Variants in SLC35F1 observed in about 807,000 individuals in gnomAD.
SLC35F1 encodes the protein chromosome 6 open reading frame 169.
Under a neutral mutation model 48.7 loss-of-function variants are expected in SLC35F1, and 14 were observed. The ratio of observed to expected loss-of-function variants is 0.29; its 90% CI spans 0.19 to 0.45. The LOEUF is 0.45. Among genes scored for constraint, SLC35F1 ranks in the 20% least tolerant of loss-of-function variants. The pLI is 1.00. For synonymous variants in SLC35F1, 190 were observed against 202.2 expected (o/e 0.94, Z 0.51); for missense variants, 404 against 500.0 (o/e 0.81, Z 1.83).
chr6:118,082,075 T>C (rs1772918305), intron 1 of SLC35F1, among the ~76,000 whole-genome samples: 1 of 152,222 alleles, frequency 6.6e-6, no homozygotes, highest in Non-Finnish European at 1.5e-5. Context: ...ACAGATAATT[T>C]CTAAACCACA....
At chr6:118,060,595 AT>A (rs1772523640) in intron 1 of SLC35F1, among the ~76,000 whole-genome samples, 1 of 152,302 alleles carries the variant, frequency 6.6e-6, no homozygotes, top group South Asian at 2.1e-4. Context: ...GGTTCACTTG[AT>A]GAGATGTGGT....
chr6:118,053,003 T>C (rs111712137), intron 1 of SLC35F1, among the ~76,000 whole-genome samples: 2,205 of 152,166 alleles, frequency 0.014, 62 homozygotes, highest in African/African-American at 0.05. Context: ...GTGATTATCA[T>C]TAACTTTGAT....
rs1775698388 is a variant in SLC35F1 at position 117,907,345 on chromosome 6, C to T, written c.-382C>T. Among the ~76,000 whole-genome samples, 1 of 151,122 alleles carries T rather than the reference C, an allele frequency of 6.6e-6. No individual in the cohort carries two copies. Among genetic ancestry groups the T allele is most frequent in the East Asian group, 1.9e-4 (1 of 5,138 alleles). ...TGCCGCCGCGCGCCCCGAGGAGACC[C>T]GGGCACGAGGAAACAAGGAGAAATC... On this transcript the variant is annotated 5_prime_UTR_variant, in exon 1 of 8. Transcript: ENST00000360388.
At chr6:117,923,686 C>CATATGTATATATATAT (rs372593345) in intron 1 of SLC35F1, among the ~76,000 whole-genome samples, 1 of 65,302 alleles carries the variant, frequency 1.5e-5, no homozygotes. Context: ...TACATATATA[C>CATATGTATATATATAT]ATATGTACAT....
chr6:118,262,393 G>A (rs1775724028), intron 3 of SLC35F1, among the ~76,000 whole-genome samples: 1 of 151,814 alleles, frequency 6.6e-6, no homozygotes, highest in South Asian at 2.1e-4. Context: ...CAGCTGGAGT[G>A]GAAAAGAAAA....
intron 4 of SLC35F1, among the ~76,000 whole-genome samples, chr6:118,268,470 GC>G (rs2114622223): frequency 6.6e-6 from 1 of 151,548 alleles, no homozygotes; most frequent in African/African-American, 2.4e-5. Context: ...ATATGAAAAG[GC>G]CAATATTATG....
chr6:117,998,989 G>A lies in SLC35F1; in HGVS notation c.173+91090G>A, dbSNP rs532204647. ...ATGGTGCAGACATGGCCAAGTCCAAGAACCACACCACACACAACCAGTCCC... is the reference window on the plus strand; with the variant it reads ...ATGGTGCAGACATGGCCAAGTCCAAAAACCACACCACACACAACCAGTCCC... On this transcript the variant is annotated intron_variant, in intron 1 of 7. Coordinates refer to ENST00000360388, the MANE Select transcript of SLC35F1 (RefSeq NM_001029858.4). 30 of 1,214,600 alleles carry A rather than the reference G, an allele frequency of 2.5e-5. 1 individual carries two copies. The South Asian group carries it at 3.4e-4, about 14-fold the overall frequency. The allele number at this position is 1,214,600 out of a possible 1,614,324, so 75.2% of individuals were successfully genotyped here. A position where few individuals can be genotyped will look rare whatever the true frequency, so the allele number is the denominator to read the frequency against.
rs560578423 is a variant in SLC35F1, at chr6:118,279,316, AG to A, written c.847+1774del. On this transcript the variant is annotated intron_variant, in intron 6 of 7. Coordinates refer to ENST00000360388, the MANE Select transcript of SLC35F1 (RefSeq NM_001029858.4). ...ATGTATCAATAAAAAATGGCCTCAAAGGGGAATCAAATACTCATCTTCCTCT... is the reference window on the plus strand; with the variant it reads ...ATGTATCAATAAAAAATGGCCTCAAAGGGAATCAAATACTCATCTTCCTCT... Among the ~76,000 whole-genome samples, 56 of 152,168 alleles carry A rather than the reference AG, an allele frequency of 3.7e-4. 1 individual carries two copies.
intron 1 of SLC35F1, among the ~76,000 whole-genome samples, chr6:118,136,336 A>C (rs940413733): frequency 6.6e-6 from 1 of 152,218 alleles, no homozygotes; most frequent in Non-Finnish European, 1.5e-5. Flanking sequence ...ATAGAGACAT[A>C]AAGTTGTCCC....
chr6:118,053,685 T>C (rs1772422992), intron 1 of SLC35F1, among the ~76,000 whole-genome samples: 1 of 152,198 alleles, frequency 6.6e-6, no homozygotes, highest in Non-Finnish European at 1.5e-5. Context: ...TTTAAATGGC[T>C]GCATTATATC....
At chr6:118,258,976 G>C (rs1024680164) in intron 3 of SLC35F1, among the ~76,000 whole-genome samples, 2 of 151,732 alleles carry the variant, frequency 1.3e-5, no homozygotes, top group Non-Finnish European at 2.9e-5. Flanking sequence ...TTTGGGGAGA[G>C]AGAAGAAGTT....
chr6:117,914,335 T>TA (rs1457126096), intron 1 of SLC35F1, among the ~76,000 whole-genome samples: 9 of 151,864 alleles, frequency 5.9e-5, no homozygotes, highest in Middle Eastern at 3.4e-3. Context: ...AAATTCCATT[T>TA]AAAAAAATAG....
intron 2 of SLC35F1, among the ~76,000 whole-genome samples, chr6:118,230,122 A>G (rs1775268609): frequency 6.6e-6 from 1 of 152,118 alleles, no homozygotes. Context: ...TGGGCCGATC[A>G]CAAGGTCAGG....
chr6:118,208,261 T>C (rs905249966), intron 2 of SLC35F1, among the ~76,000 whole-genome samples: 3 of 152,146 alleles, frequency 2.0e-5, no homozygotes, highest in African/African-American at 7.2e-5. Context: ...GTGGGTACCC[T>C]CCACTTAGCC....
chr6:117,998,889 T>C, intron 1 of SLC35F1: 1 of 684,288 alleles, frequency 1.5e-6, no homozygotes, highest in Admixed American at 2.2e-5. Flanking sequence ...AGCAAACACA[T>C]TCAAAAGCTA....
intron 2 of SLC35F1, among the ~76,000 whole-genome samples, chr6:118,161,278 CT>C (rs1479437709): frequency 1.3e-5 from 2 of 150,902 alleles, no homozygotes; most frequent in African/African-American, 4.9e-5. Flanking sequence ...TTGCAGTTTT[CT>C]TTAATGCTTC....
chr6:118,113,443 T>C (rs1773436770), intron 1 of SLC35F1, among the ~76,000 whole-genome samples: 1 of 152,082 alleles, frequency 6.6e-6, no homozygotes, highest in Admixed American at 6.6e-5. Context: ...AATGTACCAC[T>C]CTGGTGGTGG....
At chr6:118,096,801 TCTA>T (rs1212358786) in intron 1 of SLC35F1, among the ~76,000 whole-genome samples, 1 of 152,140 alleles carries the variant, frequency 6.6e-6, no homozygotes, top group Non-Finnish European at 1.5e-5. Context: ...GGAAACATAT[TCTA>T]CTATTTGTGG....
chr6:117,953,758 G>T (rs1253503400), intron 1 of SLC35F1, among the ~76,000 whole-genome samples: 1 of 152,176 alleles, frequency 6.6e-6, no homozygotes, highest in African/African-American at 2.4e-5. Context: ...CAATCTGGGA[G>T]TATGGGGAGA....
Sources: allele counts gnomAD v4.1 joint callset (sites outside exome capture counted in the v4.1 genomes callset), GRCh38; gene constraint gnomAD v4.1.1; transcripts MANE v1.5; gene names NCBI Gene and HGNC (gene_info 2026-07-23, HGNC 2026-07-21).